Variants in APP observed in about 807,000 individuals in gnomAD.
APP encodes amyloid-beta precursor protein.
APP carries 31 observed loss-of-function variants against 101.4 expected under a neutral mutation model. The ratio of observed to expected loss-of-function variants is 0.31; its 90% CI spans 0.23 to 0.41. APP has a LOEUF of 0.41. APP is among the 10% of genes least tolerant of loss of function. The pLI is 1.00. For missense variants in APP, 839 were observed against 1,003.7 expected, an observed-to-expected ratio of 0.84 and a Z score of 2.22; for synonymous variants, 366 against 364.4, an observed-to-expected ratio of 1.00 and a Z score of -0.05.
chr21:26,000,804 G>T (rs1424168542), intron 6 of APP, among the ~76,000 whole-genome samples: 2 of 151,016 alleles, frequency 1.3e-5, no homozygotes, highest in African/African-American at 4.9e-5. Flanking sequence ...TAATATAAAT[G>T]GTCTTAAATT....
chr21:26,044,130 T>C (rs2045500115), intron 5 of APP, among the ~76,000 whole-genome samples: 1 of 152,214 alleles, frequency 6.6e-6, no homozygotes, highest in Admixed American at 6.5e-5. Context: ...GTTCCCAAAG[T>C]ACTGCATCAT....
intron 4 of APP, among the ~76,000 whole-genome samples, chr21:26,052,400 G>A (rs574627148): frequency 4.9e-4 from 75 of 152,270 alleles, no homozygotes; most frequent in African/African-American, 1.7e-3. Context: ...ATTGACTCAA[G>A]TGAAGCACTA....
Position 26,073,272 on chromosome 21 carries a change from G to A in APP, c.355+16671C>T, listed in dbSNP as rs115003687. Among the ~76,000 whole-genome samples, 453 of 152,162 alleles carry A rather than the reference G, an allele frequency of 3.0e-3. 2 individuals are homozygous for A. The highest frequency in any genetic ancestry group is 0.01 in the African/African-American group (436 of 41,526). On this transcript the variant is annotated intron_variant, in intron 3 of 17. Transcript: ENST00000346798. ...TCCTAAATATTGCAAAAGGTGGCGCGGGGAGGACGGGGAAGGGAGCCTGAA... is the reference window on the plus strand; with the variant it reads ...TCCTAAATATTGCAAAAGGTGGCGCAGGGAGGACGGGGAAGGGAGCCTGAA...
intron 13 of APP, among the ~76,000 whole-genome samples, chr21:25,917,969 A>G (rs936940663): frequency 6.6e-6 from 1 of 152,228 alleles, no homozygotes; most frequent in African/African-American, 2.4e-5. Context: ...ATGCAAATCA[A>G]AACCACAATG....
chr21:25,955,856 G>A, intron 11 of APP, 101 bp from the exon 12 acceptor site: 1 of 1,561,864 alleles, frequency 6.4e-7, no homozygotes, highest in South Asian at 1.1e-5. Flanking sequence ...CCGGTCATGT[G>A]AACGTACTGT....
chr21:26,105,307 G>A (rs916846731), intron 2 of APP, among the ~76,000 whole-genome samples: 3 of 152,098 alleles, frequency 2.0e-5, no homozygotes, highest in African/African-American at 7.2e-5. Context: ...CTGATGAAAA[G>A]ACTAGCTGTA....
At chr21:26,021,278 C>T (rs2044326037) in intron 6 of APP, among the ~76,000 whole-genome samples, 2 of 152,048 alleles carry the variant, frequency 1.3e-5, no homozygotes, top group African/African-American at 4.8e-5. Flanking sequence ...GAACTCCTGG[C>T]CTCAGGTGAT....
chr21:25,958,475 C>T (rs190862449), intron 11 of APP, among the ~76,000 whole-genome samples: 11 of 152,216 alleles, frequency 7.2e-5, no homozygotes, highest in South Asian at 2.1e-4. Context: ...GACGGGGTTT[C>T]GCCATGTTAG....
intron 17 of APP, among the ~76,000 whole-genome samples, chr21:25,886,903 T>C (rs2037363756): frequency 6.6e-6 from 1 of 152,290 alleles, no homozygotes. Flanking sequence ...AAAGGACCTC[T>C]AAGGACATCT....
At chr21:26,054,874 A>G (rs2045980482) in intron 3 of APP, among the ~76,000 whole-genome samples, 1 of 152,166 alleles carries the variant, frequency 6.6e-6, no homozygotes, top group Non-Finnish European at 1.5e-5. Context: ...AATGCAACAT[A>G]AAGAGGGATT....
intron 17 of APP, among the ~76,000 whole-genome samples, chr21:25,887,554 G>C (rs1350754906): frequency 7.1e-6 from 1 of 141,496 alleles, no homozygotes; most frequent in African/African-American, 2.6e-5. Flanking sequence ...CAACTAGCAA[G>C]TGCTCATTTC....
intron 11 of APP, among the ~76,000 whole-genome samples, chr21:25,960,332 A>G (rs216760): frequency 1 from 152,232 of 152,232 alleles, 76,116 homozygotes; most frequent in Non-Finnish European, 1. Flanking sequence ...GGGAGGTTTG[A>G]GGAGTTCCTG....
chr21:26,096,795 AC>A (rs1222373800), intron 2 of APP, among the ~76,000 whole-genome samples: 1 of 152,128 alleles, frequency 6.6e-6, no homozygotes, highest in Non-Finnish European at 1.5e-5. Flanking sequence ...AAAAACAAAA[AC>A]AGAACGTAAC....
intron 1 of APP, among the ~76,000 whole-genome samples, chr21:26,141,403 G>A (rs969084427): frequency 2.0e-5 from 3 of 152,176 alleles, no homozygotes; most frequent in Non-Finnish European, 4.4e-5. Context: ...CAAAGGAAAG[G>A]CTTTTCCCTA....
intron 1 of APP, among the ~76,000 whole-genome samples, chr21:26,120,296 G>T (rs908194928): frequency 1.3e-5 from 2 of 152,092 alleles, no homozygotes; most frequent in Non-Finnish European, 2.9e-5. Flanking sequence ...TAGGCAGCTG[G>T]GAGTACAGGC....
intron 13 of APP, among the ~76,000 whole-genome samples, chr21:25,939,170 T>A (rs888986392): frequency 6.6e-6 from 1 of 152,080 alleles, no homozygotes; most frequent in East Asian, 1.9e-4. Flanking sequence ...ACCAGGAGGG[T>A]TTAATTCCAC....
chr21:25,886,496 C>T (rs938772045), intron 17 of APP, among the ~76,000 whole-genome samples: 10 of 151,964 alleles, frequency 6.6e-5, no homozygotes, highest in Admixed American at 3.9e-4. Flanking sequence ...TGGGTTCAAG[C>T]GATTCTCCTG....
intron 2 of APP, 66 bp downstream of exon 2, chr21:26,111,913 G>T (rs2062332989): frequency 6.4e-7 from 1 of 1,574,702 alleles, no homozygotes; most frequent in African/African-American, 1.4e-5. Flanking sequence ...AATACAAGAA[G>T]TTAAATTTTT....
At chr21:26,137,211 AGCCACTGCGCCTGGCCCTCCTT>A (rs1202553758) in intron 1 of APP, among the ~76,000 whole-genome samples, 2 of 152,208 alleles carry the variant, frequency 1.3e-5, no homozygotes, top group Non-Finnish European at 2.9e-5. Flanking sequence ...TACAGGCATG[AGCCACTGCGCCTGGCCCTCCTT>A]AAACCATTAG....
Sources: gnomAD v4.1 joint callset for allele counts (sites outside exome capture counted in the v4.1 genomes callset) on GRCh38, gnomAD v4.1.1 for gene constraint, MANE v1.5 for transcripts, NCBI Gene and HGNC (gene_info 2026-07-23, HGNC 2026-07-21) for gene names.